The following KIF24 variants were observed in gnomAD, a reference collection of about 807,000 sequenced individuals.
The protein encoded by KIF24 is kinesin-like protein KIF24.
In KIF24, 81 loss-of-function variants were observed where a neutral mutation model predicts 118.9. That is an observed-to-expected ratio of 0.68 (90% CI 0.57 to 0.82). KIF24 has a LOEUF of 0.82. KIF24 is among the 40% of genes least tolerant of loss of function. The pLI is 0.00. For missense variants in KIF24, 1,560 were observed against 1,661.6 expected, an observed-to-expected ratio of 0.94 and a Z score of 1.06; for synonymous variants, 599 against 610.0, an observed-to-expected ratio of 0.98 and a Z score of 0.27.
intron 8 of KIF24, among the ~76,000 whole-genome samples, chr9:34,267,872 G>A (rs1454369996): frequency 6.6e-6 from 1 of 152,260 alleles, no homozygotes; most frequent in East Asian, 1.9e-4. Flanking sequence ...TGAGTAACAT[G>A]TTAAACATCA....
At chr9:34,319,017 T>A (rs1837425787) in intron 1 of KIF24, 1 of 1,226,412 alleles carries the variant, frequency 8.2e-7, no homozygotes, top group South Asian at 1.2e-5. Flanking sequence ...AACACCATGT[T>A]CTTCAAGCCA....
Position 34,257,581 on chromosome 9 carries a change from C to A in KIF24, c.2026G>T (p.Gly676Cys). 6.2e-7 allele frequency: 1 copy of A among 1,614,042 alleles called. No homozygotes were observed. The highest frequency in any genetic ancestry group is 8.5e-7 in the Non-Finnish European group (1 of 1,179,890). Reference protein sequence around the residue: ...APLCSEKNRMGNKTVLGWESR... With the variant: ...APLCSEKNRMCNKTVLGWESR... ...TCCCACCCAAGGACAGTTTTGTTGC[C>A]CATTCGATTTTTCTCAGAGCACAAT... is the stretch of plus-strand genomic sequence containing the variant. Residue 676 changes from glycine (G) to cysteine (C), a missense_variant, in exon 11 of 13, where the codon GGC becomes TGC. Physicochemically the swap from Gly to Cys is radical, Grantham distance 159 (BLOSUM62 -3). Coordinates refer to ENST00000402558, the MANE Select transcript of KIF24 (RefSeq NM_194313.4).
At position 34,290,141 on chromosome 9, in the gene KIF24, A is replaced by G. The variant is rs562645066; in HGVS notation, c.1127+33T>C. On this transcript the variant is annotated intron_variant, in intron 5 of 12. Coordinates refer to ENST00000402558, the MANE Select transcript of KIF24 (RefSeq NM_194313.4). Reference sequence around the variant, plus strand: ...GGACTCTGGCTTAAAATAGCGATGAACAGATTTATCGCTTCCCACTCATAT... The same window carrying G: ...GGACTCTGGCTTAAAATAGCGATGAGCAGATTTATCGCTTCCCACTCATAT... 4.1e-6 allele frequency: 6 copies of G among 1,474,744 alleles called. No homozygotes were observed. In the East Asian group the frequency reaches 1.4e-4, roughly 33 times the overall value. 91.4% of individuals were successfully genotyped at this position (1,474,744 alleles called of 1,614,324 possible). A position where few individuals can be genotyped will look rare whatever the true frequency, so the allele number is the denominator to read the frequency against.
At chr9:34,319,317 G>A (rs1837437699) in intron 1 of KIF24, 1 of 926,318 alleles carries the variant, frequency 1.1e-6, no homozygotes, top group African/African-American at 1.6e-5. Flanking sequence ...CCATCTCCTT[G>A]CCCAAGCGGG....
At chr9:34,266,630 A>G in intron 8 of KIF24, among the ~76,000 whole-genome samples, 1 of 150,046 alleles carries the variant, frequency 6.7e-6, no homozygotes, top group South Asian at 2.1e-4. Context: ...GTGAGCCAAG[A>G]TTGTGCCACT....
chr9:34,298,481 G>A (rs2131778389), intron 3 of KIF24, among the ~76,000 whole-genome samples: 1 of 151,896 alleles, frequency 6.6e-6, no homozygotes, highest in Admixed American at 6.6e-5. Context: ...GGGAGGCAGA[G>A]GTTGCAGTGA....
chr9:34,321,151 G>A (rs1297794486), intron 1 of KIF24, among the ~76,000 whole-genome samples: 1 of 152,182 alleles, frequency 6.6e-6, no homozygotes, highest in Non-Finnish European at 1.5e-5. Flanking sequence ...TTATTCTGTA[G>A]GGAGGGAGAT....
intron 2 of KIF24, among the ~76,000 whole-genome samples, chr9:34,307,873 AAAAAAAG>A (rs1371980170): frequency 5.9e-5 from 9 of 151,832 alleles, no homozygotes; most frequent in Non-Finnish European, 7.4e-5. Flanking sequence ...AAAAAAAAAA[AAAAAAAG>A]AAAAAAGAAA....
At chr9:34,331,655 A>T (rs1000534118), upstream of KIF24, among the ~76,000 whole-genome samples, 5 of 152,220 alleles carry the variant, frequency 3.3e-5, no homozygotes, top group Non-Finnish European at 7.3e-5. Context: ...TGGTCTTGGT[A>T]GAGAAGGGAG....
chr9:34,323,721 C>A (rs1837591354), intron 1 of KIF24, among the ~76,000 whole-genome samples: 1 of 152,088 alleles, frequency 6.6e-6, no homozygotes, highest in Non-Finnish European at 1.5e-5. Context: ...CACCATGGGA[C>A]CAGGAATTAT....
upstream of KIF24, among the ~76,000 whole-genome samples, chr9:34,329,299 C>G (rs1837801838): frequency 6.6e-6 from 1 of 152,262 alleles, no homozygotes; most frequent in African/African-American, 2.4e-5. Flanking sequence ...GTCGCCAGTC[C>G]CGCACCGCCC....
chr9:34,313,655 G>A (rs1208821830), intron 1 of KIF24, among the ~76,000 whole-genome samples: 1 of 150,954 alleles, frequency 6.6e-6, no homozygotes, highest in Non-Finnish European at 1.5e-5. Context: ...AGCAATTTTA[G>A]GTTCACAGCA....
upstream of KIF24, among the ~76,000 whole-genome samples, chr9:34,329,349 T>G (rs969801099): frequency 6.6e-6 from 1 of 152,258 alleles, no homozygotes; most frequent in East Asian, 1.9e-4. Context: ...GTTCGTTGAC[T>G]TCTCCTCTGG....
intron 7 of KIF24, 76 bp from the exon 8 acceptor site, chr9:34,269,438 G>A: frequency 1.4e-6 from 1 of 711,554 alleles, no homozygotes; most frequent in Non-Finnish European, 2.2e-6. Flanking sequence ...ATTATTTTTT[G>A]AGACGGAGTC....
rs187998432 is a variant in KIF24 at position 34,263,182 on chromosome 9, G to A, written c.1444-10C>T. ...GGATACATTCCTTCAGCTGCAAAGT[G>A]GGAGAACAAGCACATCAAGTATCAA... On this transcript the variant is annotated splice_polypyrimidine_tract_variant and intron_variant, in intron 8 of 12. Transcript: ENST00000402558. 23 of 1,608,578 alleles carry A rather than the reference G, an allele frequency of 1.4e-5. No homozygotes were observed. The African/African-American group carries it at 2.5e-4, about 18-fold the overall frequency.
chr9:34,300,074 T>C (rs1361404469), intron 3 of KIF24, among the ~76,000 whole-genome samples: 1 of 152,082 alleles, frequency 6.6e-6, no homozygotes, highest in Non-Finnish European at 1.5e-5. Flanking sequence ...TTTGAATCTG[T>C]TGTGTGTACC....
chr9:34,321,433 T>C (rs1200258318), intron 1 of KIF24, among the ~76,000 whole-genome samples: 2 of 151,952 alleles, frequency 1.3e-5, no homozygotes, highest in Non-Finnish European at 2.9e-5. Context: ...ATACAGGCAT[T>C]GACAGTAAAA....
intron 1 of KIF24, among the ~76,000 whole-genome samples, chr9:34,317,726 T>C (rs1021956694): frequency 7.9e-5 from 12 of 152,204 alleles, no homozygotes; most frequent in African/African-American, 2.4e-4. Flanking sequence ...CTGTGGGGTA[T>C]TGCAATGCTT....
Position 34,256,791 on chromosome 9 carries a change from G to A in KIF24, c.2816C>T (p.Pro939Leu), listed in dbSNP as rs1025513559. ...PSPRDSLAEKPYCSQVDFIYR... is the reference protein window; with the variant it reads ...PSPRDSLAEKLYCSQVDFIYR... ...TATGAAATCTACCTGTGAACAGTATGGCTTCTCTGCCAGGCTGTCTCTGGG... is the reference window on the plus strand; with the variant it reads ...TATGAAATCTACCTGTGAACAGTATAGCTTCTCTGCCAGGCTGTCTCTGGG... The change falls in exon 11 of 13, where the codon CCA becomes CTA. Residue 939 changes from proline (P) to leucine (L), a missense_variant. Transcript: ENST00000402558. 1.2e-6 allele frequency: 2 copies of A among 1,613,888 alleles called. No homozygotes were observed. Among genetic ancestry groups the A allele is most frequent in the African/African-American group, 2.7e-5 (2 of 74,922 alleles).
Sources: gnomAD v4.1 joint callset for allele counts (sites outside exome capture counted in the v4.1 genomes callset) on GRCh38, gnomAD v4.1.1 for gene constraint, MANE v1.5 for transcripts, NCBI Gene and HGNC (gene_info 2026-07-23, HGNC 2026-07-21) for gene names.